Variants in DRP2 observed in about 807,000 individuals in gnomAD.
DRP2 encodes the protein dystrophin related protein 2, also known as dystrophin-related protein 2.
A neutral mutation model predicts 78.2 loss-of-function variants in DRP2; 29 were observed. That is an observed-to-expected ratio of 0.37 (90% confidence interval 0.28 to 0.51). The LOEUF (loss-of-function observed/expected upper bound fraction) is 0.51. Ranked by LOEUF, DRP2 falls within the 20% of genes least tolerant of loss-of-function variation. The probability of loss-of-function intolerance (pLI) is 0.94; values close to 1 mark genes in which losing one functional copy is unlikely to be tolerated. For synonymous variants in DRP2, 290 were observed against 281.9 expected (o/e 1.03, Z -0.29); for missense variants, 686 against 770.6 (o/e 0.89, Z 1.30).
rs1766247140 is a variant in DRP2 at position 101,260,126 on chromosome X, C to A, written c.2706C>A (p.His902Gln). 2 of 1,208,851 alleles carry A rather than the reference C, an allele frequency of 1.7e-6. No homozygotes were observed. The highest frequency in any genetic ancestry group is 1.8e-5 in the South Asian group (1 of 56,666). The change falls in exon 23 of 24, where the codon CAC (histidine) becomes CAA (glutamine). Residue 902 changes from histidine (H) to glutamine (Q), a missense_variant. Physicochemically the swap from His to Gln is conservative, Grantham distance 24. Coordinates refer to ENST00000395209, the MANE Select transcript of DRP2 (RefSeq NM_001939.3). ...CTCCACAGCAGTCAGAAGGCAGTCA[C>A]CCCCGGGAGAAGGGACAGACTACTC... ...ASSPQQSEGS[H>Q]PREKGQTTPD...
At chrX:101,227,315 G>T (rs193242350) in intron 2 of DRP2, among the ~76,000 whole-genome samples, 2 of 111,775 alleles carry the variant, frequency 1.8e-5, no homozygotes, top group South Asian at 3.7e-4. Flanking sequence ...ACCAGTTGGG[G>T]ACCAAGTCTG....
rs762684013 is a variant in DRP2, at chrX:101,248,533, C to T, written c.1474C>T (p.Arg492Trp). Residue 492 changes from arginine (R) to tryptophan (W), a missense_variant, in exon 14 of 24, where the codon CGG (arginine) becomes TGG (tryptophan). Transcript: ENST00000395209. ...VFDSGRSGKM[R>W]ALSFKTGIAC... The stretch of plus-strand genomic sequence containing the variant: ...ACCTAGTGGTCGCAGCGGAAAGATG[C>T]GGGCATTGTCTTTTAAGACTGGCAT... 7 of 1,211,429 alleles carry T rather than the reference C, an allele frequency of 5.8e-6. No homozygotes were observed. Among genetic ancestry groups the T allele is most frequent in the South Asian group, 1.8e-5 (1 of 56,961 alleles).
At chrX:101,256,375 T>G in intron 21 of DRP2, 114 bp downstream of exon 21, 1 of 744,888 alleles carries the variant, frequency 1.3e-6, no homozygotes, top group African/African-American at 2.1e-5. Flanking sequence ...ACTTATATTC[T>G]GTAATCCTCT....
chrX:101,245,500 G>T, intron 11 of DRP2, 51 bp downstream of exon 11: 1 of 948,220 alleles, frequency 1.1e-6, no homozygotes, highest in Non-Finnish European at 1.5e-6. Flanking sequence ...AGCTGCCTTT[G>T]TCCTATAATG....
intron 6 of DRP2, among the ~76,000 whole-genome samples, chrX:101,240,816 G>A (rs1460651159): frequency 2.7e-5 from 3 of 112,136 alleles, no homozygotes. Flanking sequence ...TTTGATGCCC[G>A]ATGGGCCTCA....
chrX:101,246,074 G>A (rs1025160640), intron 11 of DRP2, among the ~76,000 whole-genome samples: 1 of 112,108 alleles, frequency 8.9e-6, no homozygotes, highest in African/African-American at 3.2e-5. Context: ...TTATATGTCA[G>A]CTATAACTCA....
rs199696227 is a variant in DRP2, at chrX:101,252,683, G to A, written c.1944G>A (p.Lys648=). The stretch of plus-strand genomic sequence containing the variant: ...CAGGCAGGGCCAGCAAAGGCAATAA[G>A]CTGCACTACCCCATCATGGAGTATT... The part of the protein sequence containing the change: ...FLTGRASKGN[K]LHYPIMEYYT... The change falls in exon 17 of 24, where the codon AAG becomes AAA. Residue 648 remains lysine (K), a synonymous_variant. Transcript: ENST00000395209. The A allele has an allele frequency of 1.2e-4, 141 of 1,210,377 alleles. No homozygotes were observed. Among genetic ancestry groups the A allele is most frequent in the Non-Finnish European group, 1.5e-4 (130 of 895,203 alleles).
At chrX:101,229,012 G>A (rs747374480) in intron 2 of DRP2, among the ~76,000 whole-genome samples, 2 of 111,796 alleles carry the variant, frequency 1.8e-5, no homozygotes, top group African/African-American at 3.2e-5. Context: ...ATGTGATGGC[G>A]ATTTTATTTT....
In DRP2 at chrX:101,250,467, C is replaced by T. The variant is rs753122370; in HGVS notation, c.1585C>T (p.Arg529Cys). The stretch of plus-strand genomic sequence containing the variant: ...CAACTCAGGCAGCCAGTGTGACCAG[C>T]GCCACCTTGGTGTCCTGCTTCATGA... Reference protein sequence around the residue: ...VANSGSQCDQRHLGVLLHEAI... With the variant: ...VANSGSQCDQCHLGVLLHEAI... The change falls in exon 15 of 24, where the codon CGC becomes TGC. Residue 529 changes from arginine (R) to cysteine (C), a missense_variant. Coordinates refer to ENST00000395209, the MANE Select transcript of DRP2 (RefSeq NM_001939.3). The T allele has an allele frequency of 9.1e-6, 11 of 1,209,708 alleles. No individual in the cohort carries two copies. Among genetic ancestry groups the T allele is most frequent in the African/African-American group, 5.3e-5 (3 of 57,077 alleles).
At chrX:101,221,793 G>A (rs1292407060) in intron 1 of DRP2, among the ~76,000 whole-genome samples, 4 of 111,995 alleles carry the variant, frequency 3.6e-5, no homozygotes, top group Non-Finnish European at 5.6e-5. Context: ...CTGCCACCAT[G>A]CCAGCTAGGA....
chrX:101,232,934 C>T (rs1471674774), intron 3 of DRP2, among the ~76,000 whole-genome samples: 3 of 112,401 alleles, frequency 2.7e-5, no homozygotes, highest in African/African-American at 6.5e-5. Flanking sequence ...TCTTCTGCCA[C>T]GATCCAGTTT....
intron 6 of DRP2, among the ~76,000 whole-genome samples, chrX:101,240,248 G>A (rs908995043): frequency 9.0e-6 from 1 of 111,514 alleles, no homozygotes; most frequent in Admixed American, 9.5e-5. Context: ...TTTTGAGACA[G>A]CCTCTCACTT....
Position 101,232,294 on chromosome X carries a change from G to A in DRP2, c.117+530G>A, listed in dbSNP as rs763637939. Among the ~76,000 whole-genome samples the A allele has an allele frequency of 4.0e-4, 44 of 111,327 alleles. 1 individual carries two copies. The highest frequency in any genetic ancestry group is 9.8e-4 in the African/African-American group (30 of 30,546). On this transcript the variant is annotated intron_variant, in intron 3 of 23. Transcript: ENST00000395209. The stretch of plus-strand genomic sequence containing the variant: ...TGCGATGGTGGTGGTGTATGTGTCC[G>A]CCTGTGTATGTTGGTAGGCAGGTAG...
At chrX:101,234,883 T>C (rs1193352518) in intron 3 of DRP2, among the ~76,000 whole-genome samples, 2 of 110,608 alleles carry the variant, frequency 1.8e-5, no homozygotes, top group Non-Finnish European at 3.8e-5. Flanking sequence ...TCTTGGCCAC[T>C]GACTAGCAGG....
intron 3 of DRP2, among the ~76,000 whole-genome samples, chrX:101,232,770 C>T (rs767759828): frequency 6.2e-5 from 7 of 112,359 alleles, no homozygotes; most frequent in Non-Finnish European, 1.1e-4. Context: ...ACCCCTTCCC[C>T]GGAGTGGGAC....
rs1187767175 is a variant in DRP2, at chrX:101,262,689, G to A, written c.*2068G>A. ...TTCACAGCATAACATCTGCCTTAGT[G>A]TTCATGAGGTCTCTGGGCAGGAGAA... On this transcript the variant is annotated 3_prime_UTR_variant, in exon 24 of 24. Coordinates refer to ENST00000395209, the MANE Select transcript of DRP2 (RefSeq NM_001939.3). 1 of 111,469 alleles carries A rather than the reference G, an allele frequency of 9.0e-6. No individual in the cohort carries two copies. Among genetic ancestry groups the A allele is most frequent in the Non-Finnish European group, 1.9e-5 (1 of 53,093 alleles). 9.2% of individuals were successfully genotyped at this position (111,469 alleles called of 1,213,427 possible).
Position 101,260,095 on chromosome X carries a change from C to T in DRP2, c.2675C>T (p.Ala892Val), listed in dbSNP as rs754895982. Residue 892 changes from alanine (A) to valine (V), a missense_variant, in exon 23 of 24, where the codon GCT (alanine) becomes GTT (valine). Physicochemically the swap from Ala to Val is moderately conservative, Grantham distance 64. Coordinates refer to ENST00000395209, the MANE Select transcript of DRP2 (RefSeq NM_001939.3). ...DGSGSAGSSLASSPQQSEGSH... is the reference protein window; with the variant it reads ...DGSGSAGSSLVSSPQQSEGSH... ...AGTGGCTCTGCAGGCTCGTCCCTAG[C>T]TTCCTCTCCACAGCAGTCAGAAGGC... 1 of 1,211,591 alleles carries T rather than the reference C, an allele frequency of 8.3e-7. No individual in the cohort carries two copies. The highest frequency in any genetic ancestry group is 1.1e-6 in the Non-Finnish European group (1 of 895,429).
At chrX:101,243,150 G>A in intron 9 of DRP2, 168 bp downstream of exon 9, 1 of 395,840 alleles carries the variant, frequency 2.5e-6, no homozygotes, top group Non-Finnish European at 4.2e-6. Context: ...CTCTCGGCTG[G>A]GCGTGGTGGC....
Position 101,243,082 on chromosome X carries a change from T to G in DRP2, c.1054+100T>G, listed in dbSNP as rs1922791597. On this transcript the variant is annotated intron_variant, in intron 9 of 23. Coordinates refer to ENST00000395209, the MANE Select transcript of DRP2 (RefSeq NM_001939.3). The stretch of plus-strand genomic sequence containing the variant: ...GGCCCTGGTGGGAGCCCAGTATACC[T>G]TGACATCCGAGAAGCAGTAAGGATA... 1.4e-5 allele frequency: 10 copies of G among 739,779 alleles called. No homozygotes were observed. In the South Asian group the frequency reaches 2.4e-4, roughly 18 times the overall value. The allele number at this position is 739,779 out of a possible 1,213,427, so 61.0% of individuals were successfully genotyped here.
Sources: gnomAD v4.1 joint callset for allele counts (sites outside exome capture counted in the v4.1 genomes callset) on GRCh38, gnomAD v4.1.1 for gene constraint, MANE v1.5 for transcripts, NCBI Gene and HGNC (gene_info 2026-07-23, HGNC 2026-07-21) for gene names.